The following OCLN variants were observed in gnomAD, a reference collection of about 807,000 sequenced individuals.
OCLN encodes occludin.
A neutral mutation model predicts 47.9 loss-of-function variants in OCLN; 21 were observed. The ratio of observed to expected loss-of-function variants is 0.44; its 90% CI spans 0.31 to 0.63. OCLN has a LOEUF of 0.63. OCLN is among the 30% of genes least tolerant of loss of function. The pLI is 0.08. For synonymous variants in OCLN, 117 were observed against 198.4 expected (o/e 0.59, Z 3.45); for missense variants, 360 against 571.0 (o/e 0.63, Z 3.77).
intron 4 of OCLN, among the ~76,000 whole-genome samples, chr5:69,519,094 C>T (rs898851439): frequency 5.3e-5 from 8 of 152,066 alleles, no homozygotes; most frequent in African/African-American, 1.9e-4. Context: ...GGCATGATCT[C>T]GCCACTGCAC....
intron 4 of OCLN, among the ~76,000 whole-genome samples, chr5:69,515,111 G>A (rs1768894443): frequency 6.6e-6 from 1 of 151,630 alleles, no homozygotes; most frequent in Non-Finnish European, 1.5e-5. Flanking sequence ...CCGGGCAGAG[G>A]CGCCCCTCAC....
At chr5:69,547,588 AAAG>A (rs982414952) in intron 6 of OCLN, among the ~76,000 whole-genome samples, 2 of 140,122 alleles carry the variant, frequency 1.4e-5, no homozygotes, top group African/African-American at 5.5e-5. Flanking sequence ...AAAAAAAAGA[AAAG>A]AAAAACTTTA....
Position 69,548,811 on chromosome 5 carries a change from T to A in OCLN, c.1425+710T>A, listed in dbSNP as rs1478416688. 6.7e-5 allele frequency among the ~76,000 whole-genome samples: 10 copies of A among 149,664 alleles called. 1 individual carries two copies. Among genetic ancestry groups the A allele is most frequent in the Admixed American group, 6.0e-4 (9 of 14,954 alleles). On this transcript the variant is annotated intron_variant, in intron 7 of 8. Coordinates refer to ENST00000396442, the MANE Select transcript of OCLN (RefSeq NM_001205254.2). ...CCATCTCTACTAAAAATACAAAAAA[T>A]AGCAGGGCATGGTGGCAGACACCTG... is the stretch of plus-strand genomic sequence containing the variant.
chr5:69,533,510 C>T (rs1439747095), intron 4 of OCLN, among the ~76,000 whole-genome samples: 2 of 152,062 alleles, frequency 1.3e-5, no homozygotes, highest in African/African-American at 4.8e-5. Context: ...TTAGATTACG[C>T]GGTTTCTGGA....
chr5:69,496,002 C>T (rs747256243), intron 1 of OCLN, among the ~76,000 whole-genome samples: 1 of 152,072 alleles, frequency 6.6e-6, no homozygotes, highest in Admixed American at 6.6e-5. Context: ...CAATTTCTGA[C>T]ACAGAGTCTA....
rs980440131 is a variant in OCLN at position 69,493,975 on chromosome 5, C to T, written c.-69+1075C>T. 6.6e-6 allele frequency among the ~76,000 whole-genome samples: 1 copy of T among 152,228 alleles called. No individual in the cohort carries two copies. Among genetic ancestry groups the T allele is most frequent in the African/African-American group, 2.4e-5 (1 of 41,472 alleles). On this transcript the variant is annotated intron_variant, in intron 1 of 8. Transcript: ENST00000396442. This position sits in a 1 kb window ranked among gnomAD's most constrained non-coding sequence, Gnocchi z 5.3. The stretch of plus-strand genomic sequence containing the variant: ...CCACACTGCCCGCTTGGGGAATTAC[C>T]CTGCTCGAGGAGGAGGCGGCGGCTT...
rs563669560 is a variant in OCLN, at chr5:69,548,725, A to C, written c.1425+624A>C. Among the ~76,000 whole-genome samples the C allele has an allele frequency of 3.6e-4, 54 of 151,048 alleles. 2 individuals are homozygous for C. The highest frequency in any genetic ancestry group is 1.3e-3 in the African/African-American group (53 of 41,138). The stretch of plus-strand genomic sequence containing the variant: ...TATAATCCCCACACTTTGGGAGGCC[A>C]AGGCAAGTGGATCACCTGAGGTCAG... On this transcript the variant is annotated intron_variant, in intron 7 of 8. Transcript: ENST00000396442.
At chr5:69,533,237 C>G (rs1325775771) in intron 4 of OCLN, among the ~76,000 whole-genome samples, 2 of 151,540 alleles carry the variant, frequency 1.3e-5, no homozygotes, top group East Asian at 3.9e-4. Flanking sequence ...TAATATTGAC[C>G]TAGGGGAAGA....
chr5:69,506,174 G>T (rs1040493053), intron 2 of OCLN, among the ~76,000 whole-genome samples: 1 of 152,220 alleles, frequency 6.6e-6, no homozygotes, highest in Non-Finnish European at 1.5e-5. Flanking sequence ...GCCAGGTGTG[G>T]TGGTGCATGC....
At chr5:69,527,242 A>G (rs183339886) in intron 4 of OCLN, among the ~76,000 whole-genome samples, 1 of 151,402 alleles carries the variant, frequency 6.6e-6, no homozygotes, top group Admixed American at 6.6e-5. Flanking sequence ...GTGCCACTGC[A>G]CTCCAGCCTG....
intron 3 of OCLN, 123 bp from the exon 4 acceptor site, chr5:69,513,825 C>A: frequency 2.4e-6 from 2 of 845,982 alleles, no homozygotes; most frequent in Non-Finnish European, 3.9e-6. Flanking sequence ...AGTTTTCTAT[C>A]AATTAAACCA....
intron 4 of OCLN, among the ~76,000 whole-genome samples, chr5:69,525,303 G>A (rs1048571268): frequency 2.0e-5 from 3 of 151,710 alleles, no homozygotes; most frequent in South Asian, 2.1e-4. Context: ...ACGGGGTTTC[G>A]CCATGTTAGC....
chr5:69,509,524 C>G lies in OCLN; in HGVS notation c.434C>G (p.Ala145Gly). The change falls in exon 3 of 9, where the codon GCT becomes GGT. Residue 145 changes from alanine (A) to glycine (G), a missense_variant. Ala to Gly is a moderately conservative substitution (Grantham distance 60). Transcript: ENST00000396442. ...GCAAAGGGCTTCATGTTGGCCATGG[C>G]TGCCTTTTGTTTCATTGCCGCGTTG... is the stretch of plus-strand genomic sequence containing the variant. Reference protein sequence around the residue: ...RAAKGFMLAMAAFCFIAALVI... With the variant: ...RAAKGFMLAMGAFCFIAALVI... 2 of 1,614,154 alleles carry G rather than the reference C, an allele frequency of 1.2e-6. No individual in the cohort carries two copies. The highest frequency in any genetic ancestry group is 1.1e-5 in the South Asian group (1 of 91,082).
At chr5:69,517,798 T>C (rs575272945) in intron 4 of OCLN, among the ~76,000 whole-genome samples, 1 of 152,076 alleles carries the variant, frequency 6.6e-6, no homozygotes, top group Non-Finnish European at 1.5e-5. Flanking sequence ...TGTTTTTTTT[T>C]TCCCTCACTT....
At chr5:69,527,257 A>C (rs1769306772) in intron 4 of OCLN, among the ~76,000 whole-genome samples, 1 of 152,004 alleles carries the variant, frequency 6.6e-6, no homozygotes, top group Non-Finnish European at 1.5e-5. Context: ...AGCCTGGGTA[A>C]CAGAGTGAGA....
At chr5:69,512,699 T>C (rs181720734) in intron 3 of OCLN, among the ~76,000 whole-genome samples, 3 of 152,238 alleles carry the variant, frequency 2.0e-5, no homozygotes, top group Admixed American at 6.5e-5. Flanking sequence ...TTTTGATTTA[T>C]GTAGGTCTTG....
At chr5:69,520,125 CT>C (rs1337542983) in intron 4 of OCLN, among the ~76,000 whole-genome samples, 2 of 151,452 alleles carry the variant, frequency 1.3e-5, no homozygotes, top group Admixed American at 6.6e-5. Context: ...TGTGCAGCTA[CT>C]TTTTGTATGT....
intron 1 of OCLN, among the ~76,000 whole-genome samples, chr5:69,494,654 GT>G (rs1250646559): frequency 6.6e-6 from 1 of 152,210 alleles, no homozygotes; most frequent in African/African-American, 2.4e-5. Context: ...AGGGAGATCG[GT>G]AAGACATGAT....
chr5:69,494,290 C>T (rs565132020), intron 1 of OCLN, among the ~76,000 whole-genome samples: 30 of 152,266 alleles, frequency 2.0e-4, no homozygotes, highest in Non-Finnish European at 3.8e-4. Context: ...CGGGTTCAAG[C>T]GATTCTCCTG....
Sources: allele counts gnomAD v4.1 joint callset (sites outside exome capture counted in the v4.1 genomes callset), GRCh38; gene constraint gnomAD v4.1.1; non-coding constraint Gnocchi (gnomAD v3.1); transcripts MANE v1.5; gene names NCBI Gene and HGNC (gene_info 2026-07-23, HGNC 2026-07-21).